Variants in CDH13 observed in about 807,000 individuals in gnomAD.
CDH13 encodes the protein cadherin-13.
CDH13 carries 24 observed loss-of-function variants against 63.8 expected under a neutral mutation model. That is an observed-to-expected ratio of 0.38 (90% CI 0.27 to 0.53). The LOEUF (loss-of-function observed/expected upper bound fraction) is 0.53, where lower values mean the gene tolerates loss of function less well. Among genes scored for constraint, CDH13 ranks in the 20% least tolerant of loss-of-function variants. CDH13 has a pLI of 0.85. For missense variants in CDH13, 1,049 were observed against 903.1 expected, an observed-to-expected ratio of 1.16 and a Z score of -2.07; for synonymous variants, 503 against 355.3, an observed-to-expected ratio of 1.42 and a Z score of -4.67.
intron 5 of CDH13, among the ~76,000 whole-genome samples, chr16:83,303,402 G>A (rs1462511316): frequency 2.6e-5 from 4 of 152,178 alleles, no homozygotes; most frequent in Non-Finnish European, 5.9e-5. Context: ...TCAATTTGAA[G>A]GGGAGTAAAT....
chr16:83,201,785 C>G (rs1015043803), intron 4 of CDH13, among the ~76,000 whole-genome samples: 1 of 150,628 alleles, frequency 6.6e-6, no homozygotes, highest in South Asian at 2.1e-4. Flanking sequence ...GGCGTGGTAG[C>G]GGGTGCCTGT....
At chr16:82,743,381 C>T (rs35764641) in intron 1 of CDH13, among the ~76,000 whole-genome samples, 16,664 of 152,102 alleles carry the variant, frequency 0.11, 1,135 homozygotes, top group Middle Eastern at 0.22. Context: ...GCGCAGACCA[C>T]GGCACCTGGC....
At chr16:83,153,216 C>T (rs1348749042) in intron 4 of CDH13, among the ~76,000 whole-genome samples, 1 of 151,900 alleles carries the variant, frequency 6.6e-6, no homozygotes, top group Admixed American at 6.6e-5. Flanking sequence ...TTGGGGAGTG[C>T]TGATTGGTTG....
intron 11 of CDH13, among the ~76,000 whole-genome samples, chr16:83,778,526 C>CA (rs5818469): frequency 2.0e-4 from 28 of 141,416 alleles, no homozygotes; most frequent in African/African-American, 2.6e-4. Context: ...TGAGACTCAC[C>CA]AAAAAAAAAA....
intron 1 of CDH13, among the ~76,000 whole-genome samples, chr16:82,798,978 C>T (rs568061221): frequency 6.6e-6 from 1 of 152,256 alleles, no homozygotes; most frequent in Admixed American, 6.5e-5. Context: ...TAGGACCTGA[C>T]AGAGGTAGGA....
intron 10 of CDH13, among the ~76,000 whole-genome samples, chr16:83,731,453 C>T (rs141909690): frequency 2.0e-5 from 3 of 152,224 alleles, no homozygotes; most frequent in South Asian, 2.1e-4. Context: ...GTTGACCGCA[C>T]GTATGTGTTC....
chr16:83,544,921 T>C (rs1048011710), intron 7 of CDH13, among the ~76,000 whole-genome samples: 4 of 152,226 alleles, frequency 2.6e-5, no homozygotes, highest in African/African-American at 7.2e-5. Context: ...TTAGCCGTCA[T>C]TACATTCACA....
chr16:83,319,397 A>C (rs1567588624), intron 5 of CDH13, among the ~76,000 whole-genome samples: 1 of 152,212 alleles, frequency 6.6e-6, no homozygotes, highest in Non-Finnish European at 1.5e-5. Context: ...GATGTCATCA[A>C]AGCCAGAGAC....
At position 83,427,102 on chromosome 16, in the gene CDH13, A is replaced by G. The variant is rs548028282; in HGVS notation, c.782-59375A>G. Among the ~76,000 whole-genome samples, 8 of 150,678 alleles carry G rather than the reference A, an allele frequency of 5.3e-5. No individual in the cohort carries two copies. In the South Asian group the frequency reaches 1.7e-3, roughly 32 times the overall value. On this transcript the variant is annotated intron_variant, in intron 6 of 13. Transcript: ENST00000567109. Reference sequence around the variant, plus strand: ...CCACCCCGCCTGGCTAATATTTTGTATTTTGGGTAGAGACGGGGTTTCACC... The same window carrying G: ...CCACCCCGCCTGGCTAATATTTTGTGTTTTGGGTAGAGACGGGGTTTCACC...
intron 6 of CDH13, among the ~76,000 whole-genome samples, chr16:83,450,430 G>A (rs1365352011): frequency 6.6e-6 from 1 of 152,164 alleles, no homozygotes; most frequent in Admixed American, 6.5e-5. Context: ...TTTTCTACCT[G>A]ATGAGCTCCT....
At chr16:83,705,817 G>T (rs1255319385) in intron 10 of CDH13, among the ~76,000 whole-genome samples, 1 of 152,166 alleles carries the variant, frequency 6.6e-6, no homozygotes, top group Non-Finnish European at 1.5e-5. Flanking sequence ...GTTGGGTCAA[G>T]TGATCCCCAG....
At chr16:82,670,567 A>G (rs544823671) in intron 1 of CDH13, among the ~76,000 whole-genome samples, 16 of 152,286 alleles carry the variant, frequency 1.1e-4, no homozygotes, top group Admixed American at 5.9e-4. Flanking sequence ...CGTACTGAGG[A>G]CTATTGGGTA....
At chr16:83,427,385 T>G (rs759226509) in intron 6 of CDH13, among the ~76,000 whole-genome samples, 1 of 151,898 alleles carries the variant, frequency 6.6e-6, no homozygotes, top group Non-Finnish European at 1.5e-5. Flanking sequence ...GGGACAGCAG[T>G]TAGAGTGATG....
chr16:83,221,422 A>G (rs1411379106), intron 5 of CDH13, among the ~76,000 whole-genome samples: 1 of 152,188 alleles, frequency 6.6e-6, no homozygotes, highest in African/African-American at 2.4e-5. Flanking sequence ...GCCTCCTGAA[A>G]TATTACTCAT....
chr16:83,501,076 G>C (rs1156637536), intron 7 of CDH13, among the ~76,000 whole-genome samples: 1 of 152,190 alleles, frequency 6.6e-6, no homozygotes, highest in Admixed American at 6.5e-5. Flanking sequence ...AAGTAACAGA[G>C]ACATAGCAAT....
intron 6 of CDH13, among the ~76,000 whole-genome samples, chr16:83,482,474 T>G (rs2073793682): frequency 6.6e-6 from 1 of 152,232 alleles, no homozygotes; most frequent in Non-Finnish European, 1.5e-5. Flanking sequence ...GAAACCTTGC[T>G]TTGCGGTGTT....
chr16:83,716,684 A>T (rs569836297), intron 10 of CDH13, among the ~76,000 whole-genome samples: 6 of 152,028 alleles, frequency 3.9e-5, no homozygotes, highest in African/African-American at 1.4e-4. Flanking sequence ...GGGTTTCACT[A>T]TGTTGGCCGG....
chr16:83,681,928 A>G (rs1462529223), intron 10 of CDH13, among the ~76,000 whole-genome samples: 2 of 152,112 alleles, frequency 1.3e-5, no homozygotes, highest in Non-Finnish European at 2.9e-5. Context: ...CAGGCACTGG[A>G]AGAAGAAACT....
At chr16:83,481,054 A>G (rs892840199) in intron 6 of CDH13, among the ~76,000 whole-genome samples, 2 of 152,184 alleles carry the variant, frequency 1.3e-5, no homozygotes, top group African/African-American at 2.4e-5. Flanking sequence ...ATTAGAACTC[A>G]CTGCCTCCTC....
Sources: allele counts gnomAD v4.1 joint callset (sites outside exome capture counted in the v4.1 genomes callset), GRCh38; gene constraint gnomAD v4.1.1; transcripts MANE v1.5; gene names NCBI Gene and HGNC (gene_info 2026-07-23, HGNC 2026-07-21).